The following PIGN variants were observed in gnomAD, a reference collection of about 807,000 sequenced individuals.
The protein encoded by PIGN is GPI ethanolamine phosphate transferase 1.
Under a neutral mutation model 125.4 loss-of-function variants are expected in PIGN, and 117 were observed. The observed-to-expected ratio is 0.93, with a 90% CI of 0.80 to 1.09. The LOEUF (loss-of-function observed/expected upper bound fraction) is 1.09. PIGN is among the 50% of genes least tolerant of loss of function. The pLI is 0.00. For synonymous variants in PIGN, 392 were observed against 377.8 expected (o/e 1.04, Z -0.44); for missense variants, 1,075 against 1,094.9 (o/e 0.98, Z 0.26).
At chr18:62,147,839 C>T (rs2036389810) in intron 8 of PIGN, among the ~76,000 whole-genome samples, 1 of 151,946 alleles carries the variant, frequency 6.6e-6, no homozygotes, top group African/African-American at 2.4e-5. Flanking sequence ...AGGGAATACA[C>T]AAGGAATAAA....
chr18:62,115,170 A>G (rs2035040937), intron 14 of PIGN, among the ~76,000 whole-genome samples: 1 of 152,142 alleles, frequency 6.6e-6, no homozygotes, highest in South Asian at 2.1e-4. Flanking sequence ...TATATCATAT[A>G]CCTTCTTCGT....
At chr18:62,154,763 A>G in intron 6 of PIGN, 112 bp from the exon 7 acceptor site, 1 of 647,788 alleles carries the variant, frequency 1.5e-6, no homozygotes, top group Non-Finnish European at 2.7e-6. Context: ...TTCACAAAGC[A>G]TTGTTCATTA....
At chr18:62,020,821 C>T (rs1020620700) in intron 23 of PIGN, among the ~76,000 whole-genome samples, 6 of 151,080 alleles carry the variant, frequency 4.0e-5, no homozygotes, top group African/African-American at 7.3e-5. Context: ...ATTAGCCGGG[C>T]GTGGTAGCAG....
chr18:62,125,365 T>C (rs1465367439), intron 14 of PIGN, among the ~76,000 whole-genome samples: 1 of 152,086 alleles, frequency 6.6e-6, no homozygotes, highest in Admixed American at 6.6e-5. Flanking sequence ...ATAAACATTA[T>C]TCTAAGACAT....
At chr18:62,035,634 A>G (rs949630803) in intron 23 of PIGN, among the ~76,000 whole-genome samples, 13 of 151,878 alleles carry the variant, frequency 8.6e-5, no homozygotes, top group Non-Finnish European at 1.9e-4. Context: ...CCATTAACTC[A>G]TCATTTACAT....
rs531828155 is a variant in PIGN at position 62,138,417 on chromosome 18, T to C, written c.1117-119A>G. On this transcript the variant is annotated intron_variant, in intron 13 of 30. Coordinates refer to ENST00000640252, the MANE Select transcript of PIGN (RefSeq NM_176787.5). ...TTAACCACTTTGAAAATAAATGGAA[T>C]TTTATGTTACTATATTGTTTCATAA... The C allele has an allele frequency of 4.2e-5, 56 of 1,330,028 alleles. No homozygotes were observed. In the African/African-American group the frequency reaches 6.6e-4, roughly 16 times the overall value. The allele number at this position is 1,330,028 out of a possible 1,614,324, so 82.4% of individuals were successfully genotyped here.
At chr18:62,147,854 T>C (rs527439246) in intron 8 of PIGN, among the ~76,000 whole-genome samples, 1 of 152,244 alleles carries the variant, frequency 6.6e-6, no homozygotes, top group East Asian at 1.9e-4. Flanking sequence ...AATAAATAAT[T>C]ACATCTTTTG....
intron 30 of PIGN, chr18:62,070,088 G>A: frequency 4.6e-6 from 1 of 217,468 alleles, no homozygotes. Context: ...TAGATGCCAG[G>A]CACTATGCTA....
chr18:62,087,427 T>G (rs1189108547), intron 25 of PIGN, among the ~76,000 whole-genome samples: 1 of 152,214 alleles, frequency 6.6e-6, no homozygotes, highest in African/African-American at 2.4e-5. Context: ...GATAGAGCAC[T>G]GCTACGTGCC....
At position 62,044,769 on chromosome 18, in the gene PIGN, GCT is replaced by G. The variant is rs1471962727; in HGVS notation, c.*1085_*1086del. On this transcript the variant is annotated 3_prime_UTR_variant, in exon 31 of 31. Transcript: ENST00000640252. ...TAAAAATAGGGCGCATACCAGGAAA[GCT>G]TAGCATCAGCCAAAGCTACTAGCAC... 2 of 152,166 alleles carry G rather than the reference GCT, an allele frequency of 1.3e-5. No individual in the cohort carries two copies. Among genetic ancestry groups the G allele is most frequent in the East Asian group, 3.8e-4 (2 of 5,198 alleles). The allele number at this position is 152,166 out of a possible 1,614,324, so 9.4% of individuals were successfully genotyped here.
Position 62,072,655 on chromosome 18 carries a change from T to C in PIGN, c.2672+18A>G, listed in dbSNP as rs2032947567. ...CTTATCCCTGTTGTTAAGCAATGCATGACCATATATACTATACCTTGTCCC... is the reference window on the plus strand; with the variant it reads ...CTTATCCCTGTTGTTAAGCAATGCACGACCATATATACTATACCTTGTCCC... On this transcript the variant is annotated intron_variant, in intron 30 of 30. Transcript: ENST00000640252. The C allele has an allele frequency of 6.3e-7, 1 of 1,588,886 alleles. No homozygotes were observed. The highest frequency in any genetic ancestry group is 8.6e-7 in the Non-Finnish European group (1 of 1,161,954).
At chr18:62,122,004 G>C (rs2035326248) in intron 14 of PIGN, among the ~76,000 whole-genome samples, 1 of 152,114 alleles carries the variant, frequency 6.6e-6, no homozygotes, top group African/African-American at 2.4e-5. Flanking sequence ...TACACAGGGA[G>C]TAGAGAGTAG....
intron 22 of PIGN, among the ~76,000 whole-genome samples, chr18:62,098,735 C>A (rs1030358841): frequency 2.0e-5 from 3 of 152,098 alleles, no homozygotes; most frequent in Admixed American, 6.5e-5. Context: ...TGTCTTACAT[C>A]ATTTTGTAGG....
intron 29 of PIGN, among the ~76,000 whole-genome samples, chr18:62,072,987 C>A (rs751925361): frequency 1.8e-4 from 27 of 152,054 alleles, no homozygotes; most frequent in Non-Finnish European, 3.4e-4. Flanking sequence ...AACAAGCCAA[C>A]ATCAATAAAA....
At chr18:62,040,990 CT>C (rs2030353652), downstream of PIGN, among the ~76,000 whole-genome samples, 1 of 152,156 alleles carries the variant, frequency 6.6e-6, no homozygotes, top group Non-Finnish European at 1.5e-5. Context: ...AAGAATTTAT[CT>C]TTTCATGAGT....
At chr18:62,167,646 A>C (rs1373224465) in intron 1 of PIGN, among the ~76,000 whole-genome samples, 3 of 31,300 alleles carry the variant, frequency 9.6e-5, no homozygotes, top group Non-Finnish European at 2.8e-4. Context: ...AAAAAAAACA[A>C]AAAAAAAACA....
chr18:62,145,013 G>T (rs1235763907), intron 10 of PIGN, among the ~76,000 whole-genome samples: 6 of 16,722 alleles, frequency 3.6e-4, no homozygotes, highest in African/African-American at 9.3e-4. Flanking sequence ...ACTGGCGGGG[G>T]GGGGGGGGCA....
intron 1 of PIGN, among the ~76,000 whole-genome samples, chr18:62,180,158 TTTCC>T (rs765954141): frequency 6.6e-6 from 1 of 152,206 alleles, no homozygotes; most frequent in Non-Finnish European, 1.5e-5. Flanking sequence ...ATTAGCCTTC[TTTCC>T]TTTTTTTAAA....
chr18:62,133,527 C>T (rs1432159011), intron 14 of PIGN, among the ~76,000 whole-genome samples: 1 of 151,996 alleles, frequency 6.6e-6, no homozygotes, highest in Non-Finnish European at 1.5e-5. Context: ...TACAAAAATC[C>T]TTTTGTTATA....
Sources: gnomAD v4.1 joint callset for allele counts (sites outside exome capture counted in the v4.1 genomes callset) on GRCh38, gnomAD v4.1.1 for gene constraint, MANE v1.5 for transcripts, NCBI Gene and HGNC (gene_info 2026-07-23, HGNC 2026-07-21) for gene names.